DNAJC3: variants seen among roughly 807,000 people sequenced by gnomAD.
The protein encoded by DNAJC3 is dnaJ homolog subfamily C member 3.
Under a neutral mutation model 68.6 loss-of-function variants are expected in DNAJC3, and 38 were observed. The ratio of observed to expected loss-of-function variants is 0.55; its 90% CI spans 0.43 to 0.73. The LOEUF is 0.73. DNAJC3 is among the 30% of genes least tolerant of loss of function. The pLI is 0.00. For synonymous variants in DNAJC3, 203 were observed against 204.0 expected (o/e 1.00, Z 0.04); for missense variants, 526 against 591.9 (o/e 0.89, Z 1.16).
intron 9 of DNAJC3, among the ~76,000 whole-genome samples, chr13:95,777,162 G>A (rs1883315580): frequency 2.6e-5 from 4 of 152,074 alleles, no homozygotes; most frequent in South Asian, 4.1e-4. Context: ...GAATGATAGC[G>A]TGGCTGGATA....
chr13:95,715,479 T>A (rs1320822233), intron 2 of DNAJC3, among the ~76,000 whole-genome samples: 2 of 151,840 alleles, frequency 1.3e-5, no homozygotes, highest in Admixed American at 1.3e-4. Context: ...CATAGTTTCT[T>A]TTTCTTTTTT....
intron 4 of DNAJC3, among the ~76,000 whole-genome samples, chr13:95,738,078 G>T (rs1881992578): frequency 6.8e-6 from 1 of 147,576 alleles, no homozygotes; most frequent in Non-Finnish European, 1.5e-5. Context: ...ATTTCGTTAT[G>T]TACCCAGTAG....
intron 4 of DNAJC3, among the ~76,000 whole-genome samples, chr13:95,727,209 A>C (rs1469563604): frequency 6.6e-6 from 1 of 151,572 alleles, no homozygotes; most frequent in East Asian, 1.9e-4. Flanking sequence ...TTTTTTTTCC[A>C]ATTAAACTTG....
rs1879851668 is a variant in DNAJC3 at position 95,679,221 on chromosome 13, G to GTAAT, written c.82+1888_82+1891dup. Among the ~76,000 whole-genome samples the GTAAT allele has an allele frequency of 7.2e-5, 3 of 41,470 alleles. No individual in the cohort carries two copies. In the East Asian group the frequency reaches 1.8e-3, roughly 25 times the overall value. The allele number at this position is 41,470 out of a possible 152,430, so 27.2% of individuals were successfully genotyped here. A position where few individuals can be genotyped will look rare whatever the true frequency, so the allele number is the denominator to read the frequency against. Reference sequence around the variant, plus strand: ...GCACTTTTTTTTTTTTTTTTTTTTTGTAATTAACAAGAAGGTTATTTCCTG... The same window carrying GTAAT: ...GCACTTTTTTTTTTTTTTTTTTTTTGTAATTAATTAACAAGAAGGTTATTTCCTG... On this transcript the variant is annotated intron_variant, in intron 1 of 11. Coordinates refer to ENST00000602402, the MANE Select transcript of DNAJC3 (RefSeq NM_006260.5).
chr13:95,689,978 T>TTTTTTC (rs1175542034), intron 1 of DNAJC3, among the ~76,000 whole-genome samples: 2 of 152,202 alleles, frequency 1.3e-5, no homozygotes, highest in Non-Finnish European at 1.5e-5. Flanking sequence ...TTGGACTTTT[T>TTTTTTC]TTTTTCTTTT....
chr13:95,742,348 A>G (rs1351576584), intron 4 of DNAJC3, among the ~76,000 whole-genome samples: 3 of 152,184 alleles, frequency 2.0e-5, no homozygotes, highest in African/African-American at 4.8e-5. Flanking sequence ...TAAGGGCTGT[A>G]TTCTTACAGA....
rs540803428 is a variant in DNAJC3, at chr13:95,713,107, G to A, written c.193+3770G>A. Among the ~76,000 whole-genome samples, 8 of 152,162 alleles carry A rather than the reference G, an allele frequency of 5.3e-5. No individual in the cohort carries two copies. The South Asian group carries it at 1.2e-3, about 24-fold the overall frequency. ...TTCCTGAGGGAAATTTACTCATGCC[G>A]AACTGTGAGTCAATTAAGCCTCTTT... On this transcript the variant is annotated intron_variant, in intron 2 of 11. Transcript: ENST00000602402.
intron 1 of DNAJC3, among the ~76,000 whole-genome samples, chr13:95,688,627 G>C (rs1270393971): frequency 6.6e-6 from 1 of 151,550 alleles, no homozygotes; most frequent in Non-Finnish European, 1.5e-5. Flanking sequence ...TGATTCTTGT[G>C]CCTCAGCCTC....
intron 4 of DNAJC3, among the ~76,000 whole-genome samples, chr13:95,735,090 G>A (rs1431788118): frequency 4.0e-5 from 6 of 150,382 alleles, no homozygotes; most frequent in African/African-American, 7.4e-5. Flanking sequence ...TTGTTCTTGC[G>A]ATAGTTTACT....
At chr13:95,737,815 T>A (rs1193635116) in intron 4 of DNAJC3, among the ~76,000 whole-genome samples, 1 of 138,930 alleles carries the variant, frequency 7.2e-6, no homozygotes, top group African/African-American at 2.8e-5. Flanking sequence ...TTTGTGTCTC[T>A]ATTTCCTTCA....
intron 4 of DNAJC3, among the ~76,000 whole-genome samples, chr13:95,737,551 A>G (rs1366307660): frequency 6.6e-6 from 1 of 151,898 alleles, no homozygotes; most frequent in Non-Finnish European, 1.5e-5. Context: ...TAGTCTTGAG[A>G]GAGTGTATGT....
At chr13:95,740,033 G>C (rs1301286212) in intron 4 of DNAJC3, among the ~76,000 whole-genome samples, 10 of 152,244 alleles carry the variant, frequency 6.6e-5, no homozygotes, top group South Asian at 4.1e-4. Context: ...TTCTAACAGA[G>C]AGGACCCTTA....
At chr13:95,731,854 C>T (rs900512567) in intron 4 of DNAJC3, among the ~76,000 whole-genome samples, 2 of 151,724 alleles carry the variant, frequency 1.3e-5, no homozygotes, top group Non-Finnish European at 2.9e-5. Flanking sequence ...CTGGCCTGAG[C>T]CTCCTGAGTA....
chr13:95,787,243 TGTATA>T, intron 11 of DNAJC3, 88 bp downstream of exon 11: 1 of 1,513,380 alleles, frequency 6.6e-7, no homozygotes, highest in Non-Finnish European at 8.9e-7. Context: ...CACGTGGGGC[TGTATA>T]GGCAGTGACG....
chr13:95,743,028 A>T (rs938056350), intron 4 of DNAJC3: 93 of 367,466 alleles, frequency 2.5e-4, no homozygotes, highest in Middle Eastern at 1.9e-3. Context: ...CCATATTTTG[A>T]AAAGACTTTG....
At position 95,794,697 on chromosome 13, in the gene DNAJC3, G is replaced by A. The variant is rs1037333534; in HGVS notation, c.*3667G>A. The A allele has an allele frequency of 6.6e-6, 1 of 152,186 alleles. No homozygotes were observed. Among genetic ancestry groups the A allele is most frequent in the Non-Finnish European group, 1.5e-5 (1 of 68,030 alleles). The allele number at this position is 152,186 out of a possible 1,614,324, so 9.4% of individuals were successfully genotyped here. A position where few individuals can be genotyped will look rare whatever the true frequency, so the allele number is the denominator to read the frequency against. ...TAGCCACTGCGTGGCTTTGTGTATA[G>A]TAACCGGTTTTGTTGCACTTGTCTG... is the stretch of plus-strand genomic sequence containing the variant. On this transcript the variant is annotated 3_prime_UTR_variant, in exon 12 of 12. Coordinates refer to ENST00000602402, the MANE Select transcript of DNAJC3 (RefSeq NM_006260.5).
At chr13:95,757,904 G>A in intron 5 of DNAJC3, 108 bp downstream of exon 5, 1 of 1,266,176 alleles carries the variant, frequency 7.9e-7, no homozygotes, top group Non-Finnish European at 1.0e-6. Context: ...AGAAAATCAG[G>A]TTGGTCCTTG....
intron 4 of DNAJC3, among the ~76,000 whole-genome samples, chr13:95,749,844 T>C (rs1882419443): frequency 2.6e-5 from 4 of 152,100 alleles, no homozygotes; most frequent in Admixed American, 2.6e-4. Flanking sequence ...GGTCAGGAGA[T>C]TGACACCATC....
chr13:95,748,180 T>A (rs964224066), intron 4 of DNAJC3, among the ~76,000 whole-genome samples: 1 of 152,214 alleles, frequency 6.6e-6, no homozygotes, highest in Non-Finnish European at 1.5e-5. Flanking sequence ...CCAAATATAA[T>A]TGGATCAATT....
Sources: gnomAD v4.1 joint callset for allele counts (sites outside exome capture counted in the v4.1 genomes callset) on GRCh38, gnomAD v4.1.1 for gene constraint, MANE v1.5 for transcripts, NCBI Gene and HGNC (gene_info 2026-07-23, HGNC 2026-07-21) for gene names.